Variants in PRIM2 observed in about 807,000 individuals in gnomAD.
PRIM2 encodes the protein DNA primase large subunit.
A neutral mutation model predicts 67.3 loss-of-function variants in PRIM2; 39 were observed. The observed-to-expected ratio is 0.58, with a 90% CI of 0.45 to 0.76. PRIM2 has a LOEUF of 0.76. Ranked by LOEUF, PRIM2 falls within the 30% of genes least tolerant of loss-of-function variation. The pLI is 0.00. For missense variants in PRIM2, 398 were observed against 598.7 expected, an observed-to-expected ratio of 0.66 and a Z score of 3.50; for synonymous variants, 143 against 198.7, an observed-to-expected ratio of 0.72 and a Z score of 2.36.
chr6:57,446,787 A>G (rs1772382581), intron 7 of PRIM2, among the ~76,000 whole-genome samples: 1 of 152,152 alleles, frequency 6.6e-6, no homozygotes, highest in Non-Finnish European at 1.5e-5. Flanking sequence ...TCAGCTGGCC[A>G]TCTCCATCTC....
chr6:57,421,420 T>C (rs1438414235), intron 7 of PRIM2, among the ~76,000 whole-genome samples: 5 of 152,210 alleles, frequency 3.3e-5, no homozygotes, highest in African/African-American at 1.2e-4. Flanking sequence ...TCAAATTCTT[T>C]TGTTTTAATG....
At chr6:57,503,613 G>A (rs1467864734) in intron 7 of PRIM2, among the ~76,000 whole-genome samples, 2 of 152,116 alleles carry the variant, frequency 1.3e-5, no homozygotes, top group Admixed American at 6.5e-5. Context: ...GCTGGGCATG[G>A]TGGCACACAC....
chr6:57,604,925 C>T (rs1392777633), intron 11 of PRIM2, among the ~76,000 whole-genome samples: 1 of 152,140 alleles, frequency 6.6e-6, no homozygotes, highest in African/African-American at 2.4e-5. Context: ...CTCCTTACCT[C>T]GTGATCCGCC....
At chr6:57,442,876 GAA>G (rs564261171) in intron 7 of PRIM2, among the ~76,000 whole-genome samples, 6 of 149,698 alleles carry the variant, frequency 4.0e-5, no homozygotes, top group Non-Finnish European at 8.9e-5. Context: ...AGGACTCAAA[GAA>G]AAAAAAAATT....
At chr6:57,628,911 G>T (rs1179990194) in intron 12 of PRIM2, among the ~76,000 whole-genome samples, 1 of 152,056 alleles carries the variant, frequency 6.6e-6, no homozygotes, top group African/African-American at 2.4e-5. Context: ...TGTACCTTAG[G>T]CATCTGTTCT....
At chr6:57,578,676 G>GTTTTTT (rs1171202485) in intron 10 of PRIM2, among the ~76,000 whole-genome samples, 8 of 101,300 alleles carry the variant, frequency 7.9e-5, no homozygotes, top group South Asian at 3.5e-4. Context: ...TTTGTTTTTT[G>GTTTTTT]TTTTTTTTTT....
intron 10 of PRIM2, among the ~76,000 whole-genome samples, chr6:57,582,670 T>C (rs1192885134): frequency 1.1e-4 from 16 of 152,148 alleles, no homozygotes; most frequent in African/African-American, 3.9e-4. Flanking sequence ...CAGATGGCCC[T>C]TGAAGCAACT....
intron 5 of PRIM2, among the ~76,000 whole-genome samples, chr6:57,355,029 C>T (rs148819520): frequency 2.3e-3 from 353 of 151,256 alleles, no homozygotes; most frequent in African/African-American, 7.9e-3. Flanking sequence ...TCGGGCTGGG[C>T]GCGGTGGCTC....
the PRIM2 span, among the ~76,000 whole-genome samples, chr6:57,275,226 T>G: frequency 1.4e-4 from 21 of 152,138 alleles, no homozygotes; most frequent in African/African-American, 4.6e-4. Context: ...AAGTAGACTA[T>G]GTGGTTGGGT....
At chr6:57,636,289 G>C (rs1162634844) in intron 13 of PRIM2, among the ~76,000 whole-genome samples, 1 of 152,192 alleles carries the variant, frequency 6.6e-6, no homozygotes, top group Non-Finnish European at 1.5e-5. Flanking sequence ...CTGCTGACTT[G>C]AGAAGAAATA....
At chr6:57,611,482 G>A (rs1432058152) in intron 12 of PRIM2, among the ~76,000 whole-genome samples, 1 of 152,072 alleles carries the variant, frequency 6.6e-6, no homozygotes, top group Non-Finnish European at 1.5e-5. Flanking sequence ...TATGGGCAAC[G>A]GATTTTTAAA....
chr6:57,459,601 C>G (rs1407081), intron 7 of PRIM2, among the ~76,000 whole-genome samples: 75 of 152,176 alleles, frequency 4.9e-4, no homozygotes, highest in African/African-American at 1.8e-3. Flanking sequence ...TAGGGCTGCC[C>G]GGAAACTCAG....
the PRIM2 span, among the ~76,000 whole-genome samples, chr6:57,224,203 A>C: frequency 5.3e-5 from 8 of 152,236 alleles, no homozygotes; most frequent in Non-Finnish European, 1.0e-4. Context: ...TAGGAGGCTG[A>C]GATGGGAGGA....
At chr6:57,253,905 C>G in the PRIM2 span, among the ~76,000 whole-genome samples, 1 of 152,164 alleles carries the variant, frequency 6.6e-6, no homozygotes, top group Non-Finnish European at 1.5e-5. Context: ...TAGTTTTTGG[C>G]TTTAATTGAA....
chr6:57,393,719 G>A (rs1169731727), intron 7 of PRIM2, among the ~76,000 whole-genome samples: 1 of 151,966 alleles, frequency 6.6e-6, no homozygotes, highest in East Asian at 1.9e-4. Context: ...TCGGTTCTTG[G>A]TCATGAAATC....
intron 12 of PRIM2, among the ~76,000 whole-genome samples, chr6:57,622,598 T>A (rs2127497287): frequency 6.6e-6 from 1 of 152,376 alleles, no homozygotes; most frequent in Admixed American, 6.5e-5. Flanking sequence ...ACTCTTTTTA[T>A]TTCTCATTTT....
chr6:57,520,538 G>A (rs1476833686), intron 8 of PRIM2, among the ~76,000 whole-genome samples: 1 of 152,162 alleles, frequency 6.6e-6, no homozygotes, highest in Non-Finnish European at 1.5e-5. Flanking sequence ...CATGAAAATA[G>A]ATATGTTTGT....
intron 7 of PRIM2, among the ~76,000 whole-genome samples, chr6:57,436,991 T>C (rs527522592): frequency 6.6e-6 from 1 of 152,190 alleles, no homozygotes; most frequent in East Asian, 1.9e-4. Context: ...GGGTAATTTA[T>C]AAAGAAAAGA....
At chr6:57,243,735 G>A in the PRIM2 span, among the ~76,000 whole-genome samples, 2 of 152,086 alleles carry the variant, frequency 1.3e-5, no homozygotes, top group Non-Finnish European at 2.9e-5. Flanking sequence ...TCGGCCTCCC[G>A]AAGTGCTGGG....
Sources: allele counts gnomAD v4.1 joint callset (sites outside exome capture counted in the v4.1 genomes callset), GRCh38; gene constraint gnomAD v4.1.1; transcripts MANE v1.5; gene names NCBI Gene and HGNC (gene_info 2026-07-23, HGNC 2026-07-21).